Variants in XIRP2 observed in about 807,000 individuals in gnomAD.
XIRP2 encodes xin actin binding repeat containing 2.
Under a neutral mutation model 277.0 loss-of-function variants are expected in XIRP2, and 236 were observed. That is an observed-to-expected ratio of 0.85 (90% CI 0.77 to 0.95). XIRP2 has a LOEUF of 0.95. Ranked by LOEUF, XIRP2 falls within the 40% of genes least tolerant of loss-of-function variation. XIRP2 has a pLI of 0.00. For missense variants in XIRP2, 4,640 were observed against 4,157.5 expected (o/e 1.12, Z -3.19); for synonymous variants, 1,490 against 1,416.5 (o/e 1.05, Z -1.17).
At chr2:167,061,178 T>C (rs1262150592) in intron 2 of XIRP2, among the ~76,000 whole-genome samples, 1 of 152,192 alleles carries the variant, frequency 6.6e-6, no homozygotes, top group Non-Finnish European at 1.5e-5. Flanking sequence ...AAAAATACAA[T>C]TGACTTTTGG....
chr2:167,204,763 C>T (rs887741126), intron 3 of XIRP2, among the ~76,000 whole-genome samples: 8 of 152,082 alleles, frequency 5.3e-5, no homozygotes, highest in Non-Finnish European at 8.8e-5. Flanking sequence ...AACAAACACG[C>T]GTATTTATTA....
intron 3 of XIRP2, among the ~76,000 whole-genome samples, chr2:167,161,547 C>T (rs1432450979): frequency 6.6e-6 from 1 of 152,198 alleles, no homozygotes; most frequent in African/African-American, 2.4e-5. Flanking sequence ...AGCCATGGCC[C>T]AGGCTCTATG....
chr2:167,194,809 T>C (rs1693452821), intron 3 of XIRP2, among the ~76,000 whole-genome samples: 1 of 152,186 alleles, frequency 6.6e-6, no homozygotes, highest in African/African-American at 2.4e-5. Context: ...ATCTATCTCA[T>C]AGTCTTATTT....
intron 1 of XIRP2, among the ~76,000 whole-genome samples, chr2:166,893,007 C>G (rs532703043): frequency 2.0e-5 from 3 of 149,814 alleles, no homozygotes; most frequent in East Asian, 4.0e-4. Context: ...CACACACACA[C>G]AACACCACCA....
intron 2 of XIRP2, among the ~76,000 whole-genome samples, chr2:166,995,913 A>G (rs1319921168): frequency 1.3e-5 from 2 of 152,092 alleles, no homozygotes; most frequent in African/African-American, 2.4e-5. Context: ...CTCAGCTTTC[A>G]CCAGCCTCAT....
At chr2:166,986,414 T>A (rs1677378588) in intron 2 of XIRP2, among the ~76,000 whole-genome samples, 1 of 152,238 alleles carries the variant, frequency 6.6e-6, no homozygotes, top group African/African-American at 2.4e-5. Flanking sequence ...ATATCAATGG[T>A]CACTTCAACT....
chr2:167,176,602 C>T (rs971207012), intron 3 of XIRP2, among the ~76,000 whole-genome samples: 20 of 152,112 alleles, frequency 1.3e-4, no homozygotes, highest in Middle Eastern at 3.2e-3. Context: ...TAATTGAGTA[C>T]TGGACATCTT....
intron 2 of XIRP2, among the ~76,000 whole-genome samples, chr2:167,007,678 C>A (rs1051124797): frequency 5.5e-5 from 6 of 108,272 alleles, no homozygotes; most frequent in Non-Finnish European, 1.1e-4. Flanking sequence ...CCCACATGTA[C>A]ACTCTCTCTC....
At chr2:167,255,225 G>A (rs942745090) in intron 10 of XIRP2, among the ~76,000 whole-genome samples, 1 of 151,798 alleles carries the variant, frequency 6.6e-6, no homozygotes, top group Admixed American at 6.6e-5. Flanking sequence ...TGACTCTGAA[G>A]TCTGTACTGC....
intron 2 of XIRP2, among the ~76,000 whole-genome samples, chr2:167,125,403 G>C (rs1691172780): frequency 6.6e-6 from 1 of 152,166 alleles, no homozygotes; most frequent in Non-Finnish European, 1.5e-5. Flanking sequence ...TTACAGTAGG[G>C]AAACAGGATG....
chr2:167,237,681 A>G (rs1402485787), intron 5 of XIRP2, among the ~76,000 whole-genome samples: 1 of 152,208 alleles, frequency 6.6e-6, no homozygotes, highest in African/African-American at 2.4e-5. Context: ...GCGGGCATGT[A>G]GGCCTCTAGG....
chr2:166,943,651 C>T (rs1685780090), intron 2 of XIRP2, among the ~76,000 whole-genome samples: 1 of 152,242 alleles, frequency 6.6e-6, no homozygotes, highest in South Asian at 2.1e-4. Flanking sequence ...TCTCATGTCA[C>T]ACTGACTGGC....
intron 2 of XIRP2, among the ~76,000 whole-genome samples, chr2:167,011,003 C>A (rs1687661462): frequency 6.6e-6 from 1 of 152,244 alleles, no homozygotes; most frequent in African/African-American, 2.4e-5. Context: ...GATATACAAT[C>A]ATGTCATCTG....
At chr2:167,062,006 A>AT (rs1390645967) in intron 2 of XIRP2, among the ~76,000 whole-genome samples, 1 of 152,128 alleles carries the variant, frequency 6.6e-6, no homozygotes, top group Non-Finnish European at 1.5e-5. Flanking sequence ...TATTCAAATG[A>AT]TTTTTTGGCA....
At chr2:166,956,577 A>C (rs1156361986) in intron 2 of XIRP2, among the ~76,000 whole-genome samples, 1 of 151,820 alleles carries the variant, frequency 6.6e-6, no homozygotes, top group African/African-American at 2.4e-5. Flanking sequence ...GGTTTAAATA[A>C]TTACTTGTTT....
In XIRP2 at chr2:167,248,781, G is replaced by GA. The variant is rs776703031; in HGVS notation, c.7395dup (p.Val2466SerfsTer8). On this transcript the variant is annotated frameshift_variant, in exon 9 of 11. Transcript: ENST00000409195. LOFTEE classifies it high-confidence loss of function. ...GTAAAATTACTACCTCAAAGGATCA[G>GA]AAAAAAGTAATGGTGATGACCAGCA... 6.2e-7 allele frequency: 1 copy of GA among 1,613,628 alleles called. No homozygotes were observed. The highest frequency in any genetic ancestry group is 2.2e-5 in the East Asian group (1 of 44,834).
In XIRP2 at chr2:167,242,429, C is replaced by T. The variant is rs972864782; in HGVS notation, c.1177-140C>T. On this transcript the variant is annotated intron_variant, in intron 8 of 10. Coordinates refer to ENST00000409195, the MANE Select transcript of XIRP2 (RefSeq NM_152381.6). ...TATTGACTATTATTCCTAAGTTGGTCTTTAAATGAGTATATCACATATTGT... is the reference window on the plus strand; with the variant it reads ...TATTGACTATTATTCCTAAGTTGGTTTTTAAATGAGTATATCACATATTGT... 6.1e-6 allele frequency: 5 copies of T among 813,462 alleles called. No homozygotes were observed. The African/African-American group carries it at 8.7e-5, about 14-fold the overall frequency. 50.4% of individuals were successfully genotyped at this position (813,462 alleles called of 1,614,324 possible).
chr2:167,116,075 A>C (rs1388589755), intron 2 of XIRP2, among the ~76,000 whole-genome samples: 1 of 152,174 alleles, frequency 6.6e-6, no homozygotes, highest in African/African-American at 2.4e-5. Flanking sequence ...CTTGGTATAC[A>C]TTCCAAGGAC....
chr2:167,003,897 C>T (rs1461684377), intron 2 of XIRP2, among the ~76,000 whole-genome samples: 1 of 151,850 alleles, frequency 6.6e-6, no homozygotes, highest in East Asian at 1.9e-4. Context: ...ATCTGGAATA[C>T]TGCTATCAAA....
Sources: allele counts gnomAD v4.1 joint callset (sites outside exome capture counted in the v4.1 genomes callset), GRCh38; gene constraint gnomAD v4.1.1; transcripts MANE v1.5; gene names NCBI Gene and HGNC (gene_info 2026-07-23, HGNC 2026-07-21).